MIB1: variants seen among roughly 807,000 people sequenced by gnomAD.
The protein encoded by MIB1 is E3 ubiquitin-protein ligase MIB1.
A neutral mutation model predicts 124.5 loss-of-function variants in MIB1; 278 were observed. That is an observed-to-expected ratio of 2.23 (90% confidence interval 2.02 to 2.47). The LOEUF (loss-of-function observed/expected upper bound fraction) is 2.47. Ranked by LOEUF, MIB1 falls within the 30% of genes most tolerant of loss-of-function variation. The pLI, the probability that MIB1 is intolerant of heterozygous loss-of-function variation, is 0.00. For missense variants in MIB1, 957 were observed against 1,254.4 expected (o/e 0.76, Z 3.58); for synonymous variants, 446 against 429.4 (o/e 1.04, Z -0.48).
intron 3 of MIB1, among the ~76,000 whole-genome samples, chr18:21,772,728 G>A (rs1472049262): frequency 1.3e-5 from 2 of 152,112 alleles, no homozygotes; most frequent in African/African-American, 4.8e-5. Flanking sequence ...CTAGTTGGGT[G>A]TGGGGCTTGG....
At chr18:21,782,276 AC>A (rs1329625174) in intron 6 of MIB1, among the ~76,000 whole-genome samples, 74 of 152,178 alleles carry the variant, frequency 4.9e-4, no homozygotes, top group Middle Eastern at 6.8e-3. Context: ...GTCATGTGCC[AC>A]CACGCCCAGC....
chr18:21,853,420 TATG>T (rs1220381533), intron 18 of MIB1, among the ~76,000 whole-genome samples: 1 of 152,240 alleles, frequency 6.6e-6, no homozygotes, highest in Non-Finnish European at 1.5e-5. Context: ...GAAGACTGAA[TATG>T]CTGTGTTCTG....
intron 1 of MIB1, among the ~76,000 whole-genome samples, chr18:21,756,954 T>C (rs569581188): frequency 6.6e-6 from 1 of 152,296 alleles, no homozygotes; most frequent in African/African-American, 2.4e-5. Flanking sequence ...GCTTCCAAAA[T>C]AGAATAATTT....
chr18:21,718,122 G>C (rs867399054), intron 1 of MIB1, among the ~76,000 whole-genome samples: 1 of 152,198 alleles, frequency 6.6e-6, no homozygotes, highest in Admixed American at 6.5e-5. Context: ...CTTATTCTAA[G>C]TGAAGTAACT....
At chr18:21,785,252 C>T (rs772359136) in intron 6 of MIB1, among the ~76,000 whole-genome samples, 50 of 151,818 alleles carry the variant, frequency 3.3e-4, no homozygotes, top group Non-Finnish European at 6.6e-4. Context: ...TAAATAACAG[C>T]GTGGCCAGGC....
intron 13 of MIB1, among the ~76,000 whole-genome samples, chr18:21,842,131 C>G (rs1443700851): frequency 7.6e-6 from 1 of 131,412 alleles, no homozygotes; most frequent in African/African-American, 2.9e-5. Flanking sequence ...AGAAAAGAAG[C>G]TGAGATCAGG....
intron 1 of MIB1, among the ~76,000 whole-genome samples, chr18:21,745,465 C>T (rs919944424): frequency 3.3e-5 from 5 of 152,124 alleles, no homozygotes; most frequent in Non-Finnish European, 5.9e-5. Context: ...CAAAATTGCT[C>T]CCAATTGAGA....
At chr18:21,808,699 T>C (rs1054113406) in intron 10 of MIB1, among the ~76,000 whole-genome samples, 1 of 152,172 alleles carries the variant, frequency 6.6e-6, no homozygotes, top group Non-Finnish European at 1.5e-5. Context: ...GTTTCTTCTT[T>C]AACGTATAGG....
chr18:21,710,974 G>C (rs772702953), intron 1 of MIB1, among the ~76,000 whole-genome samples: 1 of 151,800 alleles, frequency 6.6e-6, no homozygotes, highest in Non-Finnish European at 1.5e-5. Context: ...TTACAGGCAT[G>C]TGCCACCATA....
At chr18:21,758,088 C>CATCCATAAAATGG (rs2041055602) in intron 1 of MIB1, among the ~76,000 whole-genome samples, 1 of 152,166 alleles carries the variant, frequency 6.6e-6, no homozygotes, top group South Asian at 2.1e-4. Flanking sequence ...TCAGTTTCTT[C>CATCCATAAAATGG]ATCCATAAAA....
chr18:21,833,565 C>T (rs564305315), intron 12 of MIB1, among the ~76,000 whole-genome samples: 3 of 152,200 alleles, frequency 2.0e-5, no homozygotes, highest in East Asian at 1.9e-4. Context: ...GTTGTTTTGC[C>T]TTAAGTAGTA....
At chr18:21,846,515 C>T (rs1218864055) in intron 15 of MIB1, among the ~76,000 whole-genome samples, 2 of 152,188 alleles carry the variant, frequency 1.3e-5, no homozygotes, top group East Asian at 3.8e-4. Context: ...TGGTTCTTTT[C>T]TCAGTTGTCT....
intron 12 of MIB1, chr18:21,829,147 A>C (rs1413744645): frequency 2.4e-6 from 1 of 422,720 alleles, no homozygotes; most frequent in African/African-American, 2.2e-5. Flanking sequence ...TTGTTAGTGA[A>C]ACATTCAGCT....
chr18:21,844,244 C>CA lies in MIB1; in HGVS notation c.2207dup (p.Asn736LysfsTer30). The CA allele has an allele frequency of 6.2e-7, 1 of 1,613,794 alleles. No individual in the cohort carries two copies. Among genetic ancestry groups the CA allele is most frequent in the Non-Finnish European group, 8.5e-7 (1 of 1,179,892 alleles). ...AGGTGGATGCTGCCTGGGAGCCATC[C>CA]AAAAACACGGTGAGTAAAGATCATC... is the stretch of plus-strand genomic sequence containing the variant. On this transcript the variant is annotated frameshift_variant, in exon 15 of 21. Transcript: ENST00000261537. LOFTEE classifies it high-confidence loss of function.
At chr18:21,729,220 A>T (rs1390071603) in intron 1 of MIB1, among the ~76,000 whole-genome samples, 1 of 152,212 alleles carries the variant, frequency 6.6e-6, no homozygotes, top group African/African-American at 2.4e-5. Flanking sequence ...TTAGTTGGGT[A>T]CTTCCCTCAA....
Position 21,768,742 on chromosome 18 carries a change from G to C in MIB1, c.521G>C (p.Arg174Pro). The change falls in exon 3 of 21, where the codon CGT (arginine) becomes CCT (proline). Residue 174 changes from arginine (R) to proline (P), a missense_variant. Transcript: ENST00000261537. Reference sequence around the variant, plus strand: ...GAAGATCAAGATGGAGGAAATGGACGTAGGGGAAAGGTACAGTGTTTCTCT... The same window carrying C: ...GAAGATCAAGATGGAGGAAATGGACCTAGGGGAAAGGTACAGTGTTTCTCT... ...QWEDQDGGNG[R>P]RGKVTEIQDW... 1.2e-6 allele frequency: 2 copies of C among 1,610,054 alleles called. No individual in the cohort carries two copies. The highest frequency in any genetic ancestry group is 8.5e-7 in the Non-Finnish European group (1 of 1,177,848).
upstream of MIB1, among the ~76,000 whole-genome samples, chr18:21,737,767 C>T (rs976477676): frequency 2.6e-5 from 4 of 152,080 alleles, no homozygotes; most frequent in African/African-American, 9.7e-5. Flanking sequence ...CAACAAAGAT[C>T]AAAAGAGATA....
intron 12 of MIB1, chr18:21,828,319 G>A (rs1471030165): frequency 2.0e-5 from 3 of 151,780 alleles, no homozygotes; most frequent in Non-Finnish European, 3.0e-5. Flanking sequence ...CCAGAATTTT[G>A]TCATTTTTCA....
intron 7 of MIB1, among the ~76,000 whole-genome samples, chr18:21,795,376 A>G (rs975125567): frequency 2.1e-5 from 3 of 144,036 alleles, no homozygotes; most frequent in African/African-American, 7.6e-5. Context: ...ATATAAATAT[A>G]TATTTATATT....
Sources: gnomAD v4.1 joint callset for allele counts (sites outside exome capture counted in the v4.1 genomes callset) on GRCh38, gnomAD v4.1.1 for gene constraint, MANE v1.5 for transcripts, NCBI Gene and HGNC (gene_info 2026-07-23, HGNC 2026-07-21) for gene names.